Variants in RABGEF1 observed in about 807,000 individuals in gnomAD.
RABGEF1 encodes RAB guanine nucleotide exchange factor 1.
Under a neutral mutation model 57.3 loss-of-function variants are expected in RABGEF1, and 26 were observed. That is an observed-to-expected ratio of 0.45 (90% CI 0.33 to 0.63). The LOEUF is 0.63. RABGEF1 is among the 20% of genes least tolerant of loss of function. The probability of loss-of-function intolerance (pLI) is 0.02; values close to 1 mark genes in which losing one functional copy is unlikely to be tolerated. For synonymous variants in RABGEF1, 185 were observed against 210.7 expected (o/e 0.88, Z 1.06); for missense variants, 464 against 607.6 (o/e 0.76, Z 2.48).
intron 8 of RABGEF1, among the ~76,000 whole-genome samples, chr7:66,807,187 G>T (rs377551994): frequency 6.6e-6 from 1 of 152,188 alleles, no homozygotes; most frequent in African/African-American, 2.4e-5. Context: ...TTGGCCTGCA[G>T]CCTTAAGTAC....
intron 1 of RABGEF1, among the ~76,000 whole-genome samples, chr7:66,689,099 TAAATAA>T (rs1465777391): frequency 6.6e-6 from 1 of 151,376 alleles, no homozygotes; most frequent in African/African-American, 2.4e-5. Context: ...TCTCAAAAAA[TAAATAA>T]AAATAAAAAT....
intron 1 of RABGEF1, among the ~76,000 whole-genome samples, chr7:66,742,134 G>T (rs1562765360): frequency 3.4e-5 from 5 of 148,698 alleles, no homozygotes. Context: ...CTGGGCGACA[G>T]AGCTAGACTC....
intron 1 of RABGEF1, among the ~76,000 whole-genome samples, chr7:66,699,691 C>CAAAA (rs66868045): frequency 7.3e-6 from 1 of 136,412 alleles, no homozygotes. Flanking sequence ...AATTCCATCT[C>CAAAA]AAAAAAAAAA....
chr7:66,664,750 G>A, the RABGEF1 span, among the ~76,000 whole-genome samples: 5,702 of 152,312 alleles, frequency 0.037, 166 homozygotes, highest in East Asian at 0.087. Context: ...GGGTGTCTCC[G>A]GTGCGCCGGC....
chr7:66,661,949 T>A, the RABGEF1 span, among the ~76,000 whole-genome samples: 1 of 152,126 alleles, frequency 6.6e-6, no homozygotes, highest in Non-Finnish European at 1.5e-5. Context: ...GTGGATCACT[T>A]GAGCTCAAGT....
the RABGEF1 span, among the ~76,000 whole-genome samples, chr7:66,659,158 A>G: frequency 6.6e-6 from 1 of 152,198 alleles, no homozygotes; most frequent in African/African-American, 2.4e-5. Context: ...AAAATTCTCA[A>G]GAAGACACTG....
intron 5 of RABGEF1, 142 bp from the exon 6 acceptor site, chr7:66,797,232 A>G: frequency 1.3e-6 from 1 of 763,090 alleles, no homozygotes; most frequent in Non-Finnish European, 2.0e-6. Flanking sequence ...CGAGCCCAGG[A>G]GGTGGAGGTT....
At chr7:66,787,581 A>T (rs950930607) in intron 4 of RABGEF1, among the ~76,000 whole-genome samples, 9 of 150,408 alleles carry the variant, frequency 6.0e-5, no homozygotes, top group African/African-American at 2.2e-4. Context: ...CTAGCCTCAC[A>T]TGATCCGCCC....
At chr7:66,697,587 C>G (rs1350924299) in intron 1 of RABGEF1, among the ~76,000 whole-genome samples, 1 of 152,158 alleles carries the variant, frequency 6.6e-6, no homozygotes, top group African/African-American at 2.4e-5. Flanking sequence ...TCATGCCCTT[C>G]CAGCAGGCTT....
chr7:66,665,721 C>T, the RABGEF1 span, among the ~76,000 whole-genome samples: 1 of 152,198 alleles, frequency 6.6e-6, no homozygotes, highest in Non-Finnish European at 1.5e-5. Context: ...TTCCCTGAGA[C>T]ATCTTAGTCT....
intron 1 of RABGEF1, chr7:66,756,045 T>C (rs1400710264): frequency 1.3e-6 from 2 of 1,503,712 alleles, no homozygotes; most frequent in African/African-American, 2.8e-5. Flanking sequence ...AATAAGTCTT[T>C]TATTAGAATG....
chr7:66,746,569 G>A (rs553606882), intron 1 of RABGEF1, among the ~76,000 whole-genome samples: 3 of 150,316 alleles, frequency 2.0e-5, no homozygotes, highest in Non-Finnish European at 1.5e-5. Context: ...GATTACAGGC[G>A]TGAGCCACCG....
intron 1 of RABGEF1, among the ~76,000 whole-genome samples, chr7:66,763,814 T>G (rs1805039409): frequency 6.6e-6 from 1 of 152,254 alleles, no homozygotes; most frequent in South Asian, 2.1e-4. Context: ...TATCAGCACT[T>G]CATTCCTTTT....
At chr7:66,699,976 C>G (rs540217441) in intron 1 of RABGEF1, among the ~76,000 whole-genome samples, 1 of 152,350 alleles carries the variant, frequency 6.6e-6, no homozygotes, top group East Asian at 1.9e-4. Flanking sequence ...GCACAGTTAT[C>G]TTCATCCTCT....
chr7:66,729,946 G>C (rs1027334504), intron 2 of RABGEF1, among the ~76,000 whole-genome samples: 2 of 152,218 alleles, frequency 1.3e-5, no homozygotes, highest in African/African-American at 4.8e-5. Flanking sequence ...AGGGCCACCT[G>C]GCTCATGGAG....
intron 3 of RABGEF1, among the ~76,000 whole-genome samples, chr7:66,783,067 C>A (rs557716975): frequency 6.6e-5 from 10 of 152,294 alleles, no homozygotes; most frequent in African/African-American, 2.4e-4. Context: ...TAGTGTAGTG[C>A]ATGTTTCCCT....
chr7:66,801,219 A>C (rs1787220306), intron 7 of RABGEF1, among the ~76,000 whole-genome samples: 1 of 152,114 alleles, frequency 6.6e-6, no homozygotes, highest in Non-Finnish European at 1.5e-5. Context: ...TGATGGTGGA[A>C]GTTTCCCTTT....
chr7:66,658,291 G>C, the RABGEF1 span, among the ~76,000 whole-genome samples: 9 of 152,134 alleles, frequency 5.9e-5, no homozygotes, highest in African/African-American at 2.2e-4. Flanking sequence ...CCAGCACTTT[G>C]GGAGGCCAAG....
chr7:66,703,761 TG>T (rs951163297), intron 1 of RABGEF1, among the ~76,000 whole-genome samples: 1 of 152,230 alleles, frequency 6.6e-6, no homozygotes. Flanking sequence ...TTTTCAAGAC[TG>T]TTTTTGGCTG....
Sources: gnomAD v4.1 joint callset for allele counts (sites outside exome capture counted in the v4.1 genomes callset) on GRCh38, gnomAD v4.1.1 for gene constraint, MANE v1.5 for transcripts, NCBI Gene and HGNC (gene_info 2026-07-23, HGNC 2026-07-21) for gene names.